The following DKK2 variants were observed in gnomAD, a reference collection of about 807,000 sequenced individuals.
DKK2 encodes the protein dickkopf Wnt signaling pathway inhibitor 2.
Under a neutral mutation model 28.1 loss-of-function variants are expected in DKK2, and 11 were observed. The ratio of observed to expected loss-of-function variants is 0.39; its 90% CI spans 0.25 to 0.65. The LOEUF is 0.65. Ranked by LOEUF, DKK2 falls within the 30% of genes least tolerant of loss-of-function variation. DKK2 has a pLI of 0.47. For synonymous variants in DKK2, 135 were observed against 126.5 expected (o/e 1.07, Z -0.45); for missense variants, 326 against 335.5 (o/e 0.97, Z 0.22).
chr4:106,958,714 G>C (rs1384833951), intron 1 of DKK2, among the ~76,000 whole-genome samples: 1 of 151,672 alleles, frequency 6.6e-6, no homozygotes, highest in Non-Finnish European at 1.5e-5. Context: ...GCAGGCGCCT[G>C]TAATCTTAGC....
At chr4:107,024,554 A>G (rs892677881) in intron 1 of DKK2, among the ~76,000 whole-genome samples, 2 of 152,290 alleles carry the variant, frequency 1.3e-5, no homozygotes, top group Non-Finnish European at 2.9e-5. Context: ...TGATTCCAAA[A>G]TTATAAATTA....
intron 1 of DKK2, among the ~76,000 whole-genome samples, chr4:107,013,513 T>C (rs1723543680): frequency 6.6e-6 from 1 of 151,326 alleles, no homozygotes; most frequent in Admixed American, 6.6e-5. Flanking sequence ...AATTAGACTA[T>C]CTCTCACATA....
chr4:107,005,360 AAC>A (rs1491407130), intron 1 of DKK2, among the ~76,000 whole-genome samples: 243 of 149,986 alleles, frequency 1.6e-3, no homozygotes, highest in African/African-American at 5.7e-3. Flanking sequence ...AAAAAAAAAA[AAC>A]AAAAACAAAA....
At chr4:106,949,687 T>G (rs1724829900) in intron 1 of DKK2, among the ~76,000 whole-genome samples, 1 of 152,014 alleles carries the variant, frequency 6.6e-6, no homozygotes, top group African/African-American at 2.4e-5. Flanking sequence ...GAAATCAGCT[T>G]TAAATAGTCA....
chr4:106,990,413 A>G (rs932917644), intron 1 of DKK2, among the ~76,000 whole-genome samples: 2 of 152,212 alleles, frequency 1.3e-5, no homozygotes, highest in African/African-American at 4.8e-5. Context: ...TGTTAGCTGT[A>G]TGGAGAGAGC....
intron 1 of DKK2, among the ~76,000 whole-genome samples, chr4:106,982,871 CAA>C (rs35733676): frequency 2.0e-5 from 2 of 100,836 alleles, no homozygotes; most frequent in Admixed American, 1.0e-4. Context: ...GACTCCATCT[CAA>C]AAAAAAAAAA....
intron 1 of DKK2, among the ~76,000 whole-genome samples, chr4:106,963,007 C>A (rs1036269725): frequency 6.6e-6 from 1 of 152,040 alleles, no homozygotes; most frequent in African/African-American, 2.4e-5. Flanking sequence ...GTGCAGTGAG[C>A]CAAGATCAAG....
chr4:106,987,711 A>T (rs777668866), intron 1 of DKK2, among the ~76,000 whole-genome samples: 2 of 151,684 alleles, frequency 1.3e-5, no homozygotes, highest in African/African-American at 2.4e-5. Context: ...CTGGGGCTGG[A>T]TGGCTTCATA....
intron 1 of DKK2, among the ~76,000 whole-genome samples, chr4:106,989,169 G>A (rs1723168456): frequency 6.6e-6 from 1 of 152,172 alleles, no homozygotes; most frequent in Non-Finnish European, 1.5e-5. Flanking sequence ...AAGAAGCCAT[G>A]CTAAAGACCA....
intron 1 of DKK2, among the ~76,000 whole-genome samples, chr4:107,009,098 C>T (rs1465609070): frequency 6.6e-6 from 1 of 151,858 alleles, no homozygotes; most frequent in Non-Finnish European, 1.5e-5. Flanking sequence ...ATCTTCTTAA[C>T]CACCAAAATG....
intron 1 of DKK2, among the ~76,000 whole-genome samples, chr4:106,997,393 C>G (rs1723287741): frequency 6.6e-6 from 1 of 152,028 alleles, no homozygotes; most frequent in South Asian, 2.1e-4. Context: ...CTCTGTTTAT[C>G]CTGTGAAATG....
intron 1 of DKK2, among the ~76,000 whole-genome samples, chr4:107,019,757 G>A (rs1221262844): frequency 6.6e-6 from 1 of 151,854 alleles, no homozygotes; most frequent in African/African-American, 2.4e-5. Flanking sequence ...TCCTTTCCAT[G>A]CATCTTAACT....
chr4:107,032,786 A>G (rs541030312), intron 1 of DKK2, among the ~76,000 whole-genome samples: 3 of 152,312 alleles, frequency 2.0e-5, no homozygotes, highest in South Asian at 2.1e-4. Context: ...TAATTTGATT[A>G]GTTGACACAT....
chr4:106,954,772 C>G (rs1722563505), intron 1 of DKK2, among the ~76,000 whole-genome samples: 1 of 152,104 alleles, frequency 6.6e-6, no homozygotes, highest in South Asian at 2.1e-4. Context: ...CTGCCTGCCT[C>G]GCCCTCGCAA....
In DKK2 at chr4:106,998,061, G is replaced by A. The variant is rs573905408; in HGVS notation, c.222+37309C>T. Among the ~76,000 whole-genome samples the A allele has an allele frequency of 2.0e-5, 3 of 152,230 alleles. No homozygotes were observed. The South Asian group carries it at 6.2e-4, about 32-fold the overall frequency. On this transcript the variant is annotated intron_variant, in intron 1 of 3. Transcript: ENST00000285311. ...AACAAGGATGACCTGGAGCTCATTG[G>A]GTATATGAAACACCCTTTTTGTGAA... is the stretch of plus-strand genomic sequence containing the variant.
intron 1 of DKK2, among the ~76,000 whole-genome samples, chr4:106,989,672 C>G (rs1578369830): frequency 6.6e-6 from 1 of 152,254 alleles, no homozygotes. Context: ...TTTCTTTTCT[C>G]TTTAAAAATA....
At chr4:106,958,931 T>G (rs1403415583) in intron 1 of DKK2, among the ~76,000 whole-genome samples, 2 of 151,870 alleles carry the variant, frequency 1.3e-5, no homozygotes, top group African/African-American at 2.4e-5. Flanking sequence ...TGATGTCCAG[T>G]TCAACCAATT....
intron 1 of DKK2, among the ~76,000 whole-genome samples, chr4:107,010,994 C>T (rs1723509235): frequency 6.6e-6 from 1 of 151,398 alleles, no homozygotes; most frequent in Non-Finnish European, 1.5e-5. Context: ...TAATAGAAGG[C>T]AGCTGGATAC....
intron 1 of DKK2, among the ~76,000 whole-genome samples, chr4:107,006,707 A>C (rs1578375998): frequency 6.6e-6 from 1 of 152,340 alleles, no homozygotes; most frequent in East Asian, 1.9e-4. Flanking sequence ...GTGAAAGACA[A>C]GTGAAAAGGC....
Sources: allele counts gnomAD v4.1 joint callset (sites outside exome capture counted in the v4.1 genomes callset), GRCh38; gene constraint gnomAD v4.1.1; transcripts MANE v1.5; gene names NCBI Gene and HGNC (gene_info 2026-07-23, HGNC 2026-07-21).